KLRG1: variants seen among roughly 807,000 people sequenced by gnomAD.
KLRG1 encodes killer cell lectin like receptor G1, also known as killer cell lectin-like receptor subfamily G member 1.
KLRG1 carries 16 observed loss-of-function variants against 21.8 expected under a neutral mutation model. That is an observed-to-expected ratio of 0.73 (90% CI 0.50 to 1.11). KLRG1 has a LOEUF of 1.11. Ranked by LOEUF, KLRG1 falls within the 50% of genes most tolerant of loss-of-function variation. The probability of loss-of-function intolerance (pLI) is 0.00; values close to 1 mark genes in which losing one functional copy is unlikely to be tolerated. For synonymous variants in KLRG1, 69 were observed against 75.9 expected, an observed-to-expected ratio of 0.91 and a Z score of 0.47; for missense variants, 173 against 218.3, an observed-to-expected ratio of 0.79 and a Z score of 1.31.
chr12:9,148,811 G>T, the KLRG1 span: 3 of 614,822 alleles, frequency 4.9e-6, no homozygotes, highest in Non-Finnish European at 8.4e-6. Flanking sequence ...TGTTATTAAT[G>T]TCTGATGAAT....
At chr12:9,062,580 ATT>A in the KLRG1 span, among the ~76,000 whole-genome samples, 1 of 132,706 alleles carries the variant, frequency 7.5e-6, no homozygotes, top group South Asian at 2.3e-4. Context: ...ATACATATAC[ATT>A]TATATATATA....
the KLRG1 span, among the ~76,000 whole-genome samples, chr12:9,131,786 A>G: frequency 6.6e-6 from 1 of 151,680 alleles, no homozygotes; most frequent in African/African-American, 2.4e-5. Flanking sequence ...TAGTTTATAT[A>G]CATATATATA....
intron 2 of KLRG1, among the ~76,000 whole-genome samples, chr12:8,993,345 A>G (rs1449799698): frequency 6.6e-6 from 1 of 151,962 alleles, no homozygotes; most frequent in Non-Finnish European, 1.5e-5. Flanking sequence ...CTGGAGTGCA[A>G]TGGCGTGATC....
rs11832509 is a variant in KLRG1 at position 9,010,111 on chromosome 12, A to G, written c.*574A>G. 3.6e-3 allele frequency: 3,838 copies of G among 1,070,058 alleles called. 96 individuals are homozygous for G. The African/African-American group carries it at 0.054, about 15-fold the overall frequency. 66.3% of individuals were successfully genotyped at this position (1,070,058 alleles called of 1,614,324 possible). On this transcript the variant is annotated 3_prime_UTR_variant, in exon 5 of 5. Transcript: ENST00000356986. ...TGAGGTGGGAGGGTCGCTTGAGCCCAGGAGTTTGAGGCTGCAGTGAGCTAT... is the reference window on the plus strand; with the variant it reads ...TGAGGTGGGAGGGTCGCTTGAGCCCGGGAGTTTGAGGCTGCAGTGAGCTAT...
chr12:9,030,102 TA>T, the KLRG1 span, among the ~76,000 whole-genome samples: 1 of 152,140 alleles, frequency 6.6e-6, no homozygotes, highest in African/African-American at 2.4e-5. Context: ...TTTTGATCTT[TA>T]ATTAATTTTT....
intron 1 of KLRG1, among the ~76,000 whole-genome samples, chr12:8,950,712 A>G (rs1431305348): frequency 6.6e-6 from 1 of 151,836 alleles, no homozygotes; most frequent in African/African-American, 2.4e-5. Context: ...AATAAAAGCT[A>G]ACGGATGCAT....
At chr12:9,179,446 C>G in the KLRG1 span, among the ~76,000 whole-genome samples, 50 of 152,114 alleles carry the variant, frequency 3.3e-4, no homozygotes, top group African/African-American at 1.2e-3. Context: ...AAGTGTCACC[C>G]CCATGAATTA....
the KLRG1 span, among the ~76,000 whole-genome samples, chr12:9,150,180 G>T: frequency 6.6e-6 from 1 of 152,182 alleles, no homozygotes; most frequent in South Asian, 2.1e-4. Flanking sequence ...TAAACTACTT[G>T]AAAGCAGTGA....
the KLRG1 span, among the ~76,000 whole-genome samples, chr12:9,046,441 G>T: frequency 6.6e-6 from 1 of 152,184 alleles, no homozygotes; most frequent in South Asian, 2.1e-4. Flanking sequence ...CAAGACATCT[G>T]CACCTAAGCA....
chr12:9,213,717 A>G, the KLRG1 span, among the ~76,000 whole-genome samples: 2 of 152,052 alleles, frequency 1.3e-5, no homozygotes, highest in Admixed American at 6.6e-5. Context: ...AGTTCTTTAC[A>G]TATTTTGGAT....
chr12:9,112,196 A>G, the KLRG1 span: 2 of 1,613,756 alleles, frequency 1.2e-6, no homozygotes, highest in African/African-American at 1.3e-5. Flanking sequence ...ATCCATGGAG[A>G]CAACACGAAA....
At chr12:9,043,677 C>T in the KLRG1 span, among the ~76,000 whole-genome samples, 1 of 152,196 alleles carries the variant, frequency 6.6e-6, no homozygotes, top group East Asian at 1.9e-4. Context: ...CTTGCTACTC[C>T]TCCCTCAAGA....
the KLRG1 span, among the ~76,000 whole-genome samples, chr12:9,070,017 G>C: frequency 6.6e-6 from 1 of 152,212 alleles, no homozygotes; most frequent in Admixed American, 6.5e-5. Context: ...AATGTGTAAA[G>C]TTATTTATCT....
chr12:9,215,552 A>C, the KLRG1 span, among the ~76,000 whole-genome samples: 1 of 152,120 alleles, frequency 6.6e-6, no homozygotes, highest in South Asian at 2.1e-4. Context: ...TGTGGGTTGA[A>C]TTAAACATTT....
chr12:9,147,982 G>T, the KLRG1 span, among the ~76,000 whole-genome samples: 2 of 150,940 alleles, frequency 1.3e-5, no homozygotes, highest in African/African-American at 4.9e-5. Flanking sequence ...TGTCATTCTT[G>T]CCTCTTCTCA....
At chr12:9,091,088 A>G in the KLRG1 span, 1 of 1,290,084 alleles carries the variant, frequency 7.8e-7, no homozygotes, top group Non-Finnish European at 1.1e-6. Flanking sequence ...TTTTACAATC[A>G]TGAATATCTA....
the KLRG1 span, chr12:9,090,050 A>T: frequency 6.3e-7 from 1 of 1,579,540 alleles, no homozygotes; most frequent in South Asian, 1.2e-5. Flanking sequence ...GTAGAAATGA[A>T]TAGCATCTTC....
chr12:9,135,789 G>C, the KLRG1 span, among the ~76,000 whole-genome samples: 4 of 152,268 alleles, frequency 2.6e-5, no homozygotes, highest in Admixed American at 2.6e-4. Flanking sequence ...TAGCCTATGA[G>C]TCCAAGTAAA....
At chr12:9,162,730 G>T in the KLRG1 span, 3 of 1,138,432 alleles carry the variant, frequency 2.6e-6, no homozygotes, top group Non-Finnish European at 3.9e-6. Flanking sequence ...TCTTTGATGG[G>T]TAGGGTTTAC....
Sources: gnomAD v4.1 joint callset for allele counts (sites outside exome capture counted in the v4.1 genomes callset) on GRCh38, gnomAD v4.1.1 for gene constraint, MANE v1.5 for transcripts, NCBI Gene and HGNC (gene_info 2026-07-23, HGNC 2026-07-21) for gene names.